PPARGC1A: variants seen among roughly 807,000 people sequenced by gnomAD.
The protein encoded by PPARGC1A is PPARG coactivator 1 alpha, also known as peroxisome proliferator-activated receptor gamma coactivator 1-alpha.
PPARGC1A carries 25 observed loss-of-function variants against 88.7 expected under a neutral mutation model. The observed-to-expected ratio is 0.28, with a 90% CI of 0.21 to 0.39. PPARGC1A has a LOEUF of 0.39. Ranked by LOEUF, PPARGC1A falls within the 10% of genes least tolerant of loss-of-function variation. The pLI is 1.00. For missense variants in PPARGC1A, 880 were observed against 968.7 expected (o/e 0.91, Z 1.22); for synonymous variants, 363 against 355.6 (o/e 1.02, Z -0.24).
chr4:24,380,152 A>G, the PPARGC1A span, among the ~76,000 whole-genome samples: 39 of 152,162 alleles, frequency 2.6e-4, no homozygotes, highest in Admixed American at 2.0e-4. Flanking sequence ...TTAAAGGGAA[A>G]CAAAATCATA....
At chr4:23,823,773 A>T (rs56752120) in intron 7 of PPARGC1A, among the ~76,000 whole-genome samples, 5,720 of 152,212 alleles carry the variant, frequency 0.038, 113 homozygotes, top group Middle Eastern at 0.058. Flanking sequence ...CTGCTTGACC[A>T]AGTCATGCAA....
At chr4:24,434,812 C>G in the PPARGC1A span, among the ~76,000 whole-genome samples, 1 of 152,194 alleles carries the variant, frequency 6.6e-6, no homozygotes, top group African/African-American at 2.4e-5. Context: ...ATGACAGGCC[C>G]ATGGAAACCT....
At chr4:24,300,112 G>C in the PPARGC1A span, among the ~76,000 whole-genome samples, 1 of 152,074 alleles carries the variant, frequency 6.6e-6, no homozygotes, top group African/African-American at 2.4e-5. Flanking sequence ...GCAAAATTGA[G>C]GACTCTGGCT....
the PPARGC1A span, among the ~76,000 whole-genome samples, chr4:24,350,989 T>A: frequency 7.5e-6 from 1 of 133,274 alleles, no homozygotes; most frequent in East Asian, 2.2e-4. Context: ...TTTTTTTTTT[T>A]AATTACCTGG....
chr4:23,873,197 C>CAGAA (rs1713852022), intron 2 of PPARGC1A, among the ~76,000 whole-genome samples: 1 of 74,828 alleles, frequency 1.3e-5, no homozygotes, highest in Non-Finnish European at 2.6e-5. Context: ...GACTCCGTCT[C>CAGAA]AAAAATAAAA....
At chr4:24,294,230 A>G in the PPARGC1A span, among the ~76,000 whole-genome samples, 19 of 152,214 alleles carry the variant, frequency 1.2e-4, no homozygotes, top group Non-Finnish European at 2.4e-4. Flanking sequence ...GTGAAAATTT[A>G]ATGTGATACT....
chr4:24,429,276 A>G, the PPARGC1A span, among the ~76,000 whole-genome samples: 1 of 152,188 alleles, frequency 6.6e-6, no homozygotes, highest in East Asian at 1.9e-4. Flanking sequence ...TTTCACACAC[A>G]TGCAACACAC....
At chr4:24,379,145 C>T in the PPARGC1A span, among the ~76,000 whole-genome samples, 1 of 152,024 alleles carries the variant, frequency 6.6e-6, no homozygotes, top group African/African-American at 2.4e-5. Flanking sequence ...ATCAATAAGA[C>T]ATGATTAAAT....
At chr4:23,911,597 A>C in the PPARGC1A span, among the ~76,000 whole-genome samples, 7 of 152,232 alleles carry the variant, frequency 4.6e-5, no homozygotes, top group African/African-American at 1.7e-4. Flanking sequence ...ATAAACAAGC[A>C]TACATTTATC....
At chr4:24,185,883 A>G in the PPARGC1A span, among the ~76,000 whole-genome samples, 1 of 148,936 alleles carries the variant, frequency 6.7e-6, no homozygotes, top group Admixed American at 6.7e-5. Context: ...CAATGTGCAC[A>G]TGTACCCTAA....
At chr4:24,453,723 T>C in the PPARGC1A span, among the ~76,000 whole-genome samples, 1 of 151,902 alleles carries the variant, frequency 6.6e-6, no homozygotes, top group Non-Finnish European at 1.5e-5. Flanking sequence ...AAGGTTGCAG[T>C]GAGCCGAGAT....
intron 2 of PPARGC1A, among the ~76,000 whole-genome samples, chr4:23,882,419 T>C (rs1413596883): frequency 6.6e-6 from 1 of 152,182 alleles, no homozygotes; most frequent in African/African-American, 2.4e-5. Flanking sequence ...CAGTGCTTTT[T>C]TCATTGGAGG....
At chr4:23,891,956 G>C (rs2946386), upstream of PPARGC1A, among the ~76,000 whole-genome samples, 117,550 of 152,136 alleles carry the variant, frequency 0.77, 46,348 homozygotes, top group African/African-American at 0.91. Flanking sequence ...CTGCCCTCAA[G>C]GATCAACTGT....
At chr4:24,384,689 C>T in the PPARGC1A span, among the ~76,000 whole-genome samples, 1 of 151,890 alleles carries the variant, frequency 6.6e-6, no homozygotes, top group Non-Finnish European at 1.5e-5. Flanking sequence ...ACAAGAAGAG[C>T]TAACTATCCT....
chr4:23,958,949 A>G, the PPARGC1A span, among the ~76,000 whole-genome samples: 1 of 151,850 alleles, frequency 6.6e-6, no homozygotes, highest in Admixed American at 6.6e-5. Flanking sequence ...CAGAATTTGG[A>G]ACATATCCTA....
the PPARGC1A span, among the ~76,000 whole-genome samples, chr4:24,270,333 CTG>C: frequency 2.9e-4 from 43 of 149,166 alleles, no homozygotes; most frequent in African/African-American, 9.9e-4. Flanking sequence ...CTCTCTCTCT[CTG>C]TGTGTGTGTG....
chr4:24,118,818 T>C, the PPARGC1A span, among the ~76,000 whole-genome samples: 2 of 152,144 alleles, frequency 1.3e-5, no homozygotes, highest in Non-Finnish European at 2.9e-5. Context: ...TCCACTTGCA[T>C]AGAAAATTAA....
the PPARGC1A span, among the ~76,000 whole-genome samples, chr4:24,115,023 A>T: frequency 6.6e-6 from 1 of 152,194 alleles, no homozygotes; most frequent in East Asian, 1.9e-4. Flanking sequence ...TTTCTCCAGT[A>T]CAAAAAAATA....
chr4:23,923,325 C>T, the PPARGC1A span, among the ~76,000 whole-genome samples: 1 of 152,018 alleles, frequency 6.6e-6, no homozygotes, highest in Non-Finnish European at 1.5e-5. Context: ...CTTGACTCAC[C>T]CACTTGAAAA....
Sources: allele counts gnomAD v4.1 joint callset (sites outside exome capture counted in the v4.1 genomes callset), GRCh38; gene constraint gnomAD v4.1.1; transcripts MANE v1.5; gene names NCBI Gene and HGNC (gene_info 2026-07-23, HGNC 2026-07-21).